Variants in MGAM2 observed in about 807,000 individuals in gnomAD.
MGAM2 encodes maltase-glucoamylase 2 (putative), also known as probable maltase-glucoamylase 2.
Under a neutral mutation model 96.1 loss-of-function variants are expected in MGAM2, and 98 were observed. That is an observed-to-expected ratio of 1.02 (90% CI 0.87 to 1.21). The LOEUF (loss-of-function observed/expected upper bound fraction) is 1.21, where lower values mean the gene tolerates loss of function less well. Ranked by LOEUF, MGAM2 falls within the 50% of genes most tolerant of loss-of-function variation. The pLI is 0.00. For missense variants in MGAM2, 2,055 were observed against 1,182.4 expected, an observed-to-expected ratio of 1.74 and a Z score of -10.82; for synonymous variants, 749 against 414.8, an observed-to-expected ratio of 1.81 and a Z score of -9.79.
chr7:142,145,806 C>G (rs1368733835), intron 14 of MGAM2, among the ~76,000 whole-genome samples: 1 of 152,042 alleles, frequency 6.6e-6, no homozygotes, highest in Admixed American at 6.6e-5. Flanking sequence ...AAGGTGTACC[C>G]AATTGGCCCA....
rs775649848 is a variant in MGAM2, at chr7:142,197,507, T to G, written c.4740T>G (p.Ala1580=). 36 of 703,018 alleles carry G rather than the reference T, an allele frequency of 5.1e-5. No homozygotes were observed. The highest frequency in any genetic ancestry group is 1.3e-5 in the Non-Finnish European group (5 of 385,052). 43.5% of individuals were successfully genotyped at this position (703,018 alleles called of 1,614,324 possible). Residue 1580 remains alanine, a synonymous_variant, in exon 41 of 48, where the codon GCT becomes GCG. Coordinates refer to ENST00000477922, the MANE Select transcript of MGAM2 (RefSeq NM_001293626.2). ...ATCTCTATACTCTGATGCATAAAGC[T>G]CACGTTGAGGGCAGCACAGTTGTCC... ...LPYLYTLMHK[A]HVEGSTVVRP... is the part of the protein sequence containing the mutation.
intron 23 of MGAM2, among the ~76,000 whole-genome samples, chr7:142,164,424 C>T (rs1281662875): frequency 6.6e-6 from 1 of 152,156 alleles, no homozygotes; most frequent in Non-Finnish European, 1.5e-5. Flanking sequence ...TCACATAATA[C>T]ACACTCAGAT....
At chr7:142,152,934 T>C (rs1158355379) in intron 15 of MGAM2, among the ~76,000 whole-genome samples, 1 of 151,812 alleles carries the variant, frequency 6.6e-6, no homozygotes, top group Non-Finnish European at 1.5e-5. Flanking sequence ...TGTTCATCTG[T>C]GCCCCTGAAG....
chr7:142,160,447 G>A (rs538629415), intron 21 of MGAM2, among the ~76,000 whole-genome samples, 189 bp downstream of exon 21: 1 of 152,210 alleles, frequency 6.6e-6, no homozygotes, highest in African/African-American at 2.4e-5. Context: ...ATGGTAGTCT[G>A]CTAAGGACAT....
chr7:142,176,309 C>T (rs1439771985), intron 32 of MGAM2, among the ~76,000 whole-genome samples: 2 of 152,108 alleles, frequency 1.3e-5, no homozygotes, highest in African/African-American at 2.4e-5. Flanking sequence ...ACTAGGAAGC[C>T]ACATCTTGAC....
At chr7:142,197,258 A>G (rs1039522965) in intron 40 of MGAM2, 142 bp from the exon 41 acceptor site, 8 of 605,534 alleles carry the variant, frequency 1.3e-5, no homozygotes, top group African/African-American at 9.3e-5. Context: ...GGTGGCAGAG[A>G]TGGGGGAAAG....
At chr7:142,203,596 G>GCTGTACTA (rs1253814334) in intron 45 of MGAM2, among the ~76,000 whole-genome samples, 7 of 151,970 alleles carry the variant, frequency 4.6e-5, no homozygotes, top group Admixed American at 3.9e-4. Flanking sequence ...CCAACATCAA[G>GCTGTACTA]CTGTACTATA....
chr7:142,222,134 G>A lies in MGAM2; in HGVS notation c.*75G>A, dbSNP rs974257792. ...ATTACAGATATAGAAAATCAGTTACGAGACACTCTATCTATCTTATGCTAC... is the reference window on the plus strand; with the variant it reads ...ATTACAGATATAGAAAATCAGTTACAAGACACTCTATCTATCTTATGCTAC... On this transcript the variant is annotated 3_prime_UTR_variant, in exon 48 of 48. Transcript: ENST00000477922. 4.5e-5 allele frequency: 18 copies of A among 396,830 alleles called. No homozygotes were observed. The highest frequency in any genetic ancestry group is 7.1e-5 in the Non-Finnish European group (16 of 225,186). The allele number at this position is 396,830 out of a possible 1,614,324, so 24.6% of individuals were successfully genotyped here.
chr7:142,116,102 C>T lies in MGAM2; in HGVS notation c.1-772C>T, dbSNP rs1817391344. On this transcript the variant is annotated intron_variant, in intron 1 of 47. Coordinates refer to ENST00000477922, the MANE Select transcript of MGAM2 (RefSeq NM_001293626.2). ...TTAGAGCAGAAAAATGAGAACACAT[C>T]CAGTGTCTGATGTCATTTTTGTAGA... 4.6e-5 allele frequency among the ~76,000 whole-genome samples: 7 copies of T among 152,202 alleles called. No individual in the cohort carries two copies. In the South Asian group the frequency reaches 1.5e-3, roughly 32 times the overall value.
At chr7:142,149,266 G>T (rs78217770) in intron 15 of MGAM2, among the ~76,000 whole-genome samples, 7,383 of 151,848 alleles carry the variant, frequency 0.049, 277 homozygotes, top group East Asian at 0.18. Flanking sequence ...TCTGCCTGGT[G>T]CCTCTGCTCT....
At chr7:142,154,705 C>T (rs1319676077) in intron 16 of MGAM2, 24 bp from the exon 17 acceptor site, 2 of 702,750 alleles carry the variant, frequency 2.8e-6, no homozygotes, top group Non-Finnish European at 5.2e-6. Context: ...GACCACAGTG[C>T]TTGTATGTGT....
In MGAM2 at chr7:142,127,287, G is replaced by A. The variant is rs117808264; in HGVS notation, c.187-3661G>A. On this transcript the variant is annotated intron_variant, in intron 3 of 47. Transcript: ENST00000477922. ...ATTTGTCTTCTCCTTTCTCTTTCTG[G>A]AGTCTTCTTAGTTGAGTGCTGCTAT... 3.8e-3 allele frequency among the ~76,000 whole-genome samples: 582 copies of A among 151,896 alleles called. 1 individual carries two copies. Among genetic ancestry groups the A allele is most frequent in the Middle Eastern group, 6.8e-3 (2 of 294 alleles).
At chr7:142,137,926 C>T (rs923688803) in intron 9 of MGAM2, among the ~76,000 whole-genome samples, 13 of 152,280 alleles carry the variant, frequency 8.5e-5, no homozygotes, top group South Asian at 8.3e-4. Flanking sequence ...AAAAGGAAGA[C>T]GCTTGAGGTT....
chr7:142,143,964 AT>A (rs2129081617), intron 13 of MGAM2, 82 bp downstream of exon 13: 1 of 666,608 alleles, frequency 1.5e-6, no homozygotes, highest in East Asian at 2.7e-5. Flanking sequence ...TTGATGTCAA[AT>A]AAATGTCAAT....
At chr7:142,151,824 C>T (rs186899473) in intron 15 of MGAM2, among the ~76,000 whole-genome samples, 77 of 152,314 alleles carry the variant, frequency 5.1e-4, no homozygotes, top group African/African-American at 1.3e-3. Context: ...TAATGGCCTA[C>T]GCTCCCAGAG....
intron 1 of MGAM2, among the ~76,000 whole-genome samples, chr7:142,115,574 T>G (rs28488197): frequency 0.39 from 59,775 of 152,072 alleles, 12,027 homozygotes; most frequent in South Asian, 0.47. Flanking sequence ...GGCTGGGTGC[T>G]GTGGCTCATG....
rs1242001079 is a variant in MGAM2 at position 142,197,676 on chromosome 7, A to T, written c.4814A>T (p.Asp1605Val). 7 of 702,798 alleles carry T rather than the reference A, an allele frequency of 1.0e-5. No homozygotes were observed. Among genetic ancestry groups the T allele is most frequent in the Non-Finnish European group, 1.8e-5 (7 of 384,998 alleles). The allele number at this position is 702,798 out of a possible 1,614,324, so 43.5% of individuals were successfully genotyped here. Residue 1605 changes from aspartate to valine, a missense_variant, in exon 42 of 48, where the codon GAC becomes GTC. Coordinates refer to ENST00000477922, the MANE Select transcript of MGAM2 (RefSeq NM_001293626.2). ...FTDDRTTWDIDRQFMLGPAIL... is the reference protein window; with the variant it reads ...FTDDRTTWDIVRQFMLGPAIL... ...GATGACAGGACAACATGGGATATAGACCGTCAGTTCATGTTGGGCCCTGCT... is the reference window on the plus strand; with the variant it reads ...GATGACAGGACAACATGGGATATAGTCCGTCAGTTCATGTTGGGCCCTGCT...
At chr7:142,151,509 C>T (rs1447145200) in intron 15 of MGAM2, among the ~76,000 whole-genome samples, 1 of 152,170 alleles carries the variant, frequency 6.6e-6, no homozygotes, top group Non-Finnish European at 1.5e-5. Context: ...TTCCTCATCT[C>T]TGAAATGAGA....
chr7:142,217,329 A>G (rs117759272), intron 46 of MGAM2, among the ~76,000 whole-genome samples: 30 of 152,300 alleles, frequency 2.0e-4, no homozygotes, highest in Non-Finnish European at 3.5e-4. Context: ...GTGCAGTACT[A>G]TGTACAGGGG....
Sources: allele counts gnomAD v4.1 joint callset (sites outside exome capture counted in the v4.1 genomes callset), GRCh38; gene constraint gnomAD v4.1.1; transcripts MANE v1.5; gene names NCBI Gene and HGNC (gene_info 2026-07-23, HGNC 2026-07-21).